The following CADM2 variants were observed in gnomAD, a reference collection of about 807,000 sequenced individuals.
The protein encoded by CADM2 is cell adhesion molecule 2, also known as immunoglobulin superfamily member 4D.
CADM2 carries 12 observed loss-of-function variants against 49.8 expected under a neutral mutation model. The observed-to-expected ratio is 0.24, with a 90% CI of 0.15 to 0.39. The LOEUF (loss-of-function observed/expected upper bound fraction) is 0.39, where lower values mean the gene tolerates loss of function less well. Among genes scored for constraint, CADM2 ranks in the 10% least tolerant of loss-of-function variants. CADM2 has a pLI of 1.00. For missense variants in CADM2, 378 were observed against 492.3 expected (o/e 0.77, Z 2.20); for synonymous variants, 214 against 175.4 (o/e 1.22, Z -1.74).
intron 1 of CADM2, among the ~76,000 whole-genome samples, chr3:85,410,284 G>A (rs1490341121): frequency 1.3e-5 from 2 of 152,182 alleles, no homozygotes; most frequent in African/African-American, 4.8e-5. Context: ...TTTAGAGAAT[G>A]TTTATGCCAG....
At chr3:85,863,690 C>A (rs1413240612) in intron 3 of CADM2, among the ~76,000 whole-genome samples, 1 of 152,136 alleles carries the variant, frequency 6.6e-6, no homozygotes, top group East Asian at 1.9e-4. Context: ...ACCCAGCCTG[C>A]AGTATTCTGT....
At chr3:85,208,400 G>A (rs2041702632) in intron 1 of CADM2, among the ~76,000 whole-genome samples, 1 of 152,142 alleles carries the variant, frequency 6.6e-6, no homozygotes, top group South Asian at 2.1e-4. Flanking sequence ...GAAAAGTAGA[G>A]CAGCTTTAAT....
rs1248842169 is a variant in CADM2 at position 85,437,484 on chromosome 3, C to A, written c.62-289038C>A. Among the ~76,000 whole-genome samples the A allele has an allele frequency of 3.3e-5, 5 of 152,130 alleles. No individual in the cohort carries two copies. In the East Asian group the frequency reaches 7.8e-4, roughly 24 times the overall value. On this transcript the variant is annotated intron_variant, in intron 1 of 9. Coordinates refer to ENST00000383699, the MANE Select transcript of CADM2 (RefSeq NM_001167675.2). ...TTCCCATCAGCATTGAATGAGTGTT[C>A]CTGTTGCTCCATATTCTTATCAGCA...
intron 1 of CADM2, among the ~76,000 whole-genome samples, chr3:85,319,623 G>C (rs1226217527): frequency 2.0e-5 from 3 of 152,112 alleles, no homozygotes; most frequent in Non-Finnish European, 4.4e-5. Context: ...ATAAAAAAAT[G>C]AGATCATGTC....
At chr3:85,877,684 G>GTTTTTTTTTTTTTTTTTTTTTTTGTT (rs368101272) in intron 3 of CADM2, among the ~76,000 whole-genome samples, 1 of 112,026 alleles carries the variant, frequency 8.9e-6, no homozygotes, top group East Asian at 2.7e-4. Context: ...TTTTTCTTCT[G>GTTTTTTTTTTTTTTTTTTTTTTTGTT]TTTTTTTTTT....
At chr3:85,142,169 A>G (rs980876545) in intron 1 of CADM2, among the ~76,000 whole-genome samples, 5 of 152,228 alleles carry the variant, frequency 3.3e-5, no homozygotes, top group East Asian at 1.9e-4. Flanking sequence ...CAACAACATA[A>G]AACAATTCTA....
rs190523855 is a variant in CADM2 at position 85,228,672 on chromosome 3, C to T, written c.61+269004C>T. On this transcript the variant is annotated intron_variant, in intron 1 of 9. Transcript: ENST00000383699. ...AGCTGCTACAGAACATCAACTATTG[C>T]TGCCTGATCCTTCCTCTGGAAGCTT... is the stretch of plus-strand genomic sequence containing the variant. Among the ~76,000 whole-genome samples the T allele has an allele frequency of 4.5e-3, 689 of 152,112 alleles. 6 individuals are homozygous for T. Among genetic ancestry groups the T allele is most frequent in the African/African-American group, 0.016 (669 of 41,510 alleles).
chr3:85,295,505 G>A (rs568386182), intron 1 of CADM2, among the ~76,000 whole-genome samples: 3 of 152,094 alleles, frequency 2.0e-5, no homozygotes, highest in South Asian at 2.1e-4. Flanking sequence ...TGTTTATTGC[G>A]GCATTATTCA....
chr3:85,000,244 G>T (rs1208056488), intron 1 of CADM2, among the ~76,000 whole-genome samples: 2 of 150,868 alleles, frequency 1.3e-5, no homozygotes, highest in African/African-American at 4.9e-5. Flanking sequence ...CTCTAGAGTA[G>T]TTGGGACTAC....
intron 1 of CADM2, among the ~76,000 whole-genome samples, chr3:85,096,050 G>A (rs1449353692): frequency 6.6e-6 from 1 of 152,102 alleles, no homozygotes; most frequent in Non-Finnish European, 1.5e-5. Flanking sequence ...AGAAGTCAAT[G>A]TGACTTGTCT....
intron 1 of CADM2, among the ~76,000 whole-genome samples, chr3:85,024,625 T>C (rs898741405): frequency 6.6e-6 from 1 of 151,790 alleles, no homozygotes; most frequent in African/African-American, 2.4e-5. Flanking sequence ...TACTATGATA[T>C]CGATTTACAG....
chr3:85,607,758 A>G (rs1428613591), intron 1 of CADM2, among the ~76,000 whole-genome samples: 2 of 151,712 alleles, frequency 1.3e-5, no homozygotes, highest in Non-Finnish European at 2.9e-5. Context: ...CTGGGTTCAA[A>G]CAGTTCTCCT....
intron 1 of CADM2, among the ~76,000 whole-genome samples, chr3:85,005,569 T>C (rs2033678307): frequency 6.6e-6 from 1 of 152,046 alleles, no homozygotes; most frequent in South Asian, 2.1e-4. Context: ...CACTAGACAA[T>C]TAAAATAACA....
intron 1 of CADM2, among the ~76,000 whole-genome samples, chr3:85,211,191 T>C (rs2041768404): frequency 6.6e-6 from 1 of 152,096 alleles, no homozygotes; most frequent in Non-Finnish European, 1.5e-5. Context: ...CTCTCTCTCT[T>C]CTTAGCCTGG....
intron 1 of CADM2, among the ~76,000 whole-genome samples, chr3:84,969,607 T>C (rs1444233347): frequency 6.6e-6 from 1 of 151,918 alleles, no homozygotes; most frequent in Non-Finnish European, 1.5e-5. Context: ...TATTTAAGTA[T>C]TTACATTATA....
intron 1 of CADM2, among the ~76,000 whole-genome samples, chr3:85,672,693 AT>A (rs1262577392): frequency 6.6e-6 from 1 of 152,156 alleles, no homozygotes; most frequent in Non-Finnish European, 1.5e-5. Flanking sequence ...CATTCATCTG[AT>A]TTTGAAACCC....
intron 5 of CADM2, among the ~76,000 whole-genome samples, chr3:85,902,919 A>G: frequency 6.6e-6 from 1 of 151,866 alleles, no homozygotes; most frequent in Non-Finnish European, 1.5e-5. Flanking sequence ...ACATGATTAC[A>G]ATTATTACTT....
chr3:85,940,205 G>C (rs1313468122), intron 7 of CADM2, among the ~76,000 whole-genome samples: 2 of 150,570 alleles, frequency 1.3e-5, no homozygotes, highest in African/African-American at 2.4e-5. Context: ...CGGGCGTGGT[G>C]GTGGGCGCCT....
At chr3:85,110,850 A>G (rs945070224) in intron 1 of CADM2, among the ~76,000 whole-genome samples, 4 of 151,826 alleles carry the variant, frequency 2.6e-5, no homozygotes, top group African/African-American at 7.2e-5. Flanking sequence ...CTTATTTTCA[A>G]ATAGTTTTCC....
Sources: allele counts gnomAD v4.1 joint callset (sites outside exome capture counted in the v4.1 genomes callset), GRCh38; gene constraint gnomAD v4.1.1; transcripts MANE v1.5; gene names NCBI Gene and HGNC (gene_info 2026-07-23, HGNC 2026-07-21).